NCKAP5: variants seen among roughly 807,000 people sequenced by gnomAD.
NCKAP5 encodes the protein nck-associated protein 5.
Under a neutral mutation model 167.0 loss-of-function variants are expected in NCKAP5, and 92 were observed. The ratio of observed to expected loss-of-function variants is 0.55; its 90% CI spans 0.47 to 0.66. NCKAP5 has a LOEUF of 0.66. NCKAP5 is among the 30% of genes least tolerant of loss of function. NCKAP5 has a pLI of 0.00. For synonymous variants in NCKAP5, 891 were observed against 877.4 expected (o/e 1.02, Z -0.27); for missense variants, 2,378 against 2,315.0 (o/e 1.03, Z -0.56).
intron 3 of NCKAP5, among the ~76,000 whole-genome samples, chr2:133,482,189 G>GTGTA (rs1479326755): frequency 6.6e-6 from 1 of 151,412 alleles, no homozygotes; most frequent in Non-Finnish European, 1.5e-5. Flanking sequence ...GTATTACATT[G>GTGTA]TGTATATATA....
intron 14 of NCKAP5, among the ~76,000 whole-genome samples, chr2:132,781,611 G>A (rs1053443891): frequency 6.6e-6 from 1 of 152,150 alleles, no homozygotes; most frequent in South Asian, 2.1e-4. Flanking sequence ...AAACGTATGT[G>A]TAATTTTCTT....
At chr2:133,555,482 T>C (rs1294449274) in intron 2 of NCKAP5, among the ~76,000 whole-genome samples, 5 of 152,258 alleles carry the variant, frequency 3.3e-5, no homozygotes, top group Non-Finnish European at 5.9e-5. Flanking sequence ...GCCTTTGCAA[T>C]GAAGCCCATT....
chr2:133,649,299 A>G, the NCKAP5 span, among the ~76,000 whole-genome samples: 1 of 151,480 alleles, frequency 6.6e-6, no homozygotes, highest in South Asian at 2.1e-4. Context: ...GATGAATACT[A>G]CCAAACTTTA....
intron 5 of NCKAP5, among the ~76,000 whole-genome samples, chr2:133,190,057 G>A (rs1472974090): frequency 6.6e-6 from 1 of 152,046 alleles, no homozygotes; most frequent in Admixed American, 6.6e-5. Flanking sequence ...CCTTAAGCTG[G>A]TAAGCAACTT....
chr2:132,746,374 C>G (rs1023303290), intron 16 of NCKAP5, among the ~76,000 whole-genome samples: 2 of 150,994 alleles, frequency 1.3e-5, no homozygotes, highest in Non-Finnish European at 2.9e-5. Flanking sequence ...ACCCTTTTCT[C>G]ACACTGTATA....
chr2:133,205,756 C>CAT (rs138042009), intron 5 of NCKAP5, among the ~76,000 whole-genome samples: 11,060 of 151,646 alleles, frequency 0.073, 539 homozygotes, highest in African/African-American at 0.14. Context: ...ATGAATATGC[C>CAT]ATATATATAT....
chr2:133,596,052 G>A, the NCKAP5 span: 1 of 152,212 alleles, frequency 6.6e-6, no homozygotes, highest in African/African-American at 2.4e-5. Flanking sequence ...TCCTAAAAAT[G>A]TACGAACCAT....
chr2:133,469,477 A>C (rs374655832), intron 3 of NCKAP5, among the ~76,000 whole-genome samples: 87 of 152,030 alleles, frequency 5.7e-4, no homozygotes, highest in Admixed American at 2.0e-3. Flanking sequence ...GTGAATCTGA[A>C]AATTATGTGT....
rs147487067 is a variant in NCKAP5, at chr2:132,917,731, T to C, written c.580-38815A>G. 7.1e-3 allele frequency among the ~76,000 whole-genome samples: 1,084 copies of C among 152,292 alleles called. 4 individuals are homozygous for C. The highest frequency in any genetic ancestry group is 0.01 in the Non-Finnish European group (685 of 68,014). On this transcript the variant is annotated intron_variant, in intron 8 of 19. Transcript: ENST00000409261. ...ACATCCAGCTCCCATGAGCTCTTTA[T>C]TGAGGCCATCAGAAACACAGGCCTG...
chr2:132,863,811 C>T (rs916458073), intron 10 of NCKAP5, among the ~76,000 whole-genome samples: 5 of 152,148 alleles, frequency 3.3e-5, no homozygotes, highest in Admixed American at 2.0e-4. Flanking sequence ...TAACTGATGC[C>T]AGAGAGTTGC....
intron 3 of NCKAP5, among the ~76,000 whole-genome samples, chr2:133,480,948 T>C (rs896071281): frequency 7.2e-5 from 11 of 152,222 alleles, no homozygotes; most frequent in African/African-American, 2.7e-4. Flanking sequence ...TCTACTATTC[T>C]AAAAATTTCA....
At position 133,511,232 on chromosome 2, in the gene NCKAP5, G is replaced by T. The variant is rs1022927786; in HGVS notation, c.69+6226C>A. ...CTCCAATGGCCCTCCAAGACTTTTC[G>T]TGTTAGGATCTGATCTCTTCCCACT... On this transcript the variant is annotated intron_variant, in intron 3 of 19. Coordinates refer to ENST00000409261, the MANE Select transcript of NCKAP5 (RefSeq NM_207363.3). Among the ~76,000 whole-genome samples the T allele has an allele frequency of 8.6e-4, 131 of 152,196 alleles. 1 individual carries two copies. Among genetic ancestry groups the T allele is most frequent in the African/African-American group, 3.0e-3 (123 of 41,526 alleles).
At chr2:132,698,450 T>C (rs982022837) in intron 19 of NCKAP5, among the ~76,000 whole-genome samples, 1 of 152,172 alleles carries the variant, frequency 6.6e-6, no homozygotes, top group Non-Finnish European at 1.5e-5. Flanking sequence ...AGTTTTATTA[T>C]ATTTAGTATG....
chr2:133,384,908 C>A (rs575662682), intron 3 of NCKAP5, among the ~76,000 whole-genome samples: 2 of 152,262 alleles, frequency 1.3e-5, no homozygotes, highest in East Asian at 3.9e-4. Context: ...TATGCTGAGA[C>A]TTTGCTGAAG....
the NCKAP5 span, among the ~76,000 whole-genome samples, chr2:133,616,944 G>C: frequency 4.6e-5 from 7 of 152,106 alleles, no homozygotes; most frequent in Non-Finnish European, 7.4e-5. Flanking sequence ...CATCAAGAAG[G>C]TTATCCACCA....
At chr2:133,107,265 G>A (rs2081739175) in intron 6 of NCKAP5, among the ~76,000 whole-genome samples, 1 of 152,050 alleles carries the variant, frequency 6.6e-6, no homozygotes, top group Admixed American at 6.6e-5. Flanking sequence ...CCACCAATGG[G>A]CTCCAACAGG....
intron 5 of NCKAP5, among the ~76,000 whole-genome samples, chr2:133,195,211 G>A (rs972274482): frequency 1.3e-5 from 2 of 152,076 alleles, no homozygotes; most frequent in Non-Finnish European, 2.9e-5. Flanking sequence ...ACAAAATCAA[G>A]ACACTCAGGT....
intron 11 of NCKAP5, among the ~76,000 whole-genome samples, chr2:132,845,713 C>T (rs1469972864): frequency 6.6e-6 from 1 of 152,100 alleles, no homozygotes; most frequent in Admixed American, 6.6e-5. Flanking sequence ...ATTTTTCCAC[C>T]CCATACTTCT....
Position 133,428,748 on chromosome 2 carries a change from A to T in NCKAP5, c.69+88710T>A, listed in dbSNP as rs140571349. Among the ~76,000 whole-genome samples, 278 of 152,228 alleles carry T rather than the reference A, an allele frequency of 1.8e-3. 1 individual carries two copies. Among genetic ancestry groups the T allele is most frequent in the African/African-American group, 6.5e-3 (269 of 41,548 alleles). The stretch of plus-strand genomic sequence containing the variant: ...AATGGGCAAAGAATACAAACACACA[A>T]TTTATAAAAGACTGCAACTGGACAA... On this transcript the variant is annotated intron_variant, in intron 3 of 19. Coordinates refer to ENST00000409261, the MANE Select transcript of NCKAP5 (RefSeq NM_207363.3).
Sources: gnomAD v4.1 joint callset for allele counts (sites outside exome capture counted in the v4.1 genomes callset) on GRCh38, gnomAD v4.1.1 for gene constraint, MANE v1.5 for transcripts, NCBI Gene and HGNC (gene_info 2026-07-23, HGNC 2026-07-21) for gene names.